The following SORCS2 variants were observed in gnomAD, a reference collection of about 807,000 sequenced individuals.
The protein encoded by SORCS2 is sortilin related VPS10 domain containing receptor 2.
A neutral mutation model predicts 141.6 loss-of-function variants in SORCS2; 100 were observed. The observed-to-expected ratio is 0.71, with a 90% confidence interval of 0.60 to 0.83. The LOEUF is 0.83. Ranked by LOEUF, SORCS2 falls within the 40% of genes least tolerant of loss-of-function variation. SORCS2 has a pLI of 0.00. For missense variants in SORCS2, 1,646 were observed against 1,560.2 expected (o/e 1.05, Z -0.93); for synonymous variants, 789 against 676.9 (o/e 1.17, Z -2.57).
chr4:7,517,352 T>A (rs986687363), intron 2 of SORCS2, among the ~76,000 whole-genome samples: 1 of 152,210 alleles, frequency 6.6e-6, no homozygotes, highest in Non-Finnish European at 1.5e-5. Context: ...TGTGTCTTAT[T>A]TCCTAATGAA....
intron 1 of SORCS2, among the ~76,000 whole-genome samples, chr4:7,263,059 G>A (rs1318648851): frequency 6.6e-6 from 1 of 152,170 alleles, no homozygotes; most frequent in Admixed American, 6.5e-5. Context: ...AAGAACAGGG[G>A]CTTTGGAACC....
At chr4:7,715,963 A>C (rs1207551212) in intron 17 of SORCS2, among the ~76,000 whole-genome samples, 1 of 152,198 alleles carries the variant, frequency 6.6e-6, no homozygotes, top group African/African-American at 2.4e-5. Flanking sequence ...GTGTTCCTTC[A>C]GTCTGTGGTT....
intron 3 of SORCS2, among the ~76,000 whole-genome samples, chr4:7,571,002 G>A (rs1482077459): frequency 6.6e-6 from 1 of 152,184 alleles, no homozygotes; most frequent in African/African-American, 2.4e-5. Flanking sequence ...CACTCTCCAA[G>A]GAAATCCCTG....
At position 7,726,839 on chromosome 4, in the gene SORCS2, T is replaced by A; in HGVS notation, c.2805T>A (p.Arg935=). Residue 935 remains arginine (R), a synonymous_variant, in exon 21 of 27, where the codon CGT becomes CGA. Transcript: ENST00000507866. ...GGTTTTCGGACACGGGCGACGTGCG[T>A]GTGACGGTGCAGGCCGCCTGTGGGA... is the stretch of plus-strand genomic sequence containing the variant. ...TTRFSDTGDV[R]VTVQAACGNS... is the part of the protein sequence containing the mutation. 6.2e-7 allele frequency: 1 copy of A among 1,613,852 alleles called. No individual in the cohort carries two copies. Among genetic ancestry groups the A allele is most frequent in the Non-Finnish European group, 8.5e-7 (1 of 1,179,836 alleles).
At chr4:7,676,436 T>G (rs1723117354) in intron 9 of SORCS2, among the ~76,000 whole-genome samples, 1 of 152,214 alleles carries the variant, frequency 6.6e-6, no homozygotes, top group Non-Finnish European at 1.5e-5. Flanking sequence ...GAGAATTTCC[T>G]TCTTGAGGAA....
chr4:7,260,685 AG>A (rs1399963514), intron 1 of SORCS2, among the ~76,000 whole-genome samples: 1 of 152,184 alleles, frequency 6.6e-6, no homozygotes, highest in Admixed American at 6.5e-5. Flanking sequence ...GGGCAGCTTC[AG>A]GGGAAGGAAA....
At chr4:7,729,493 G>C (rs1250480201) in intron 22 of SORCS2, 94 bp from the exon 23 acceptor site, 8 of 1,473,114 alleles carry the variant, frequency 5.4e-6, no homozygotes, top group Non-Finnish European at 7.3e-6. Context: ...AGGTGTACAG[G>C]CCAAGAAGGG....
At chr4:7,260,583 T>C (rs1714254365) in intron 1 of SORCS2, among the ~76,000 whole-genome samples, 1 of 152,152 alleles carries the variant, frequency 6.6e-6, no homozygotes, top group African/African-American at 2.4e-5. Context: ...CAAATGATCA[T>C]GGGCTGTGTT....
At chr4:7,488,691 G>A (rs1731138845) in intron 2 of SORCS2, among the ~76,000 whole-genome samples, 4 of 152,224 alleles carry the variant, frequency 2.6e-5, no homozygotes, top group Admixed American at 6.5e-5. Context: ...ACCCATGAGT[G>A]TCTCAGCCAA....
At chr4:7,396,815 C>T (rs542110795) in intron 2 of SORCS2, among the ~76,000 whole-genome samples, 5 of 152,258 alleles carry the variant, frequency 3.3e-5, no homozygotes, top group South Asian at 2.1e-4. Context: ...AAGCCACTGG[C>T]GATGGGGGAT....
Position 7,214,541 on chromosome 4 carries a change from C to T in SORCS2, c.480+21415C>T, listed in dbSNP as rs115253255. ...GTCTAAGGCAGAGGCTGGGCAGATT[C>T]ATTCAACCCAGTGCCAAAATTCCAC... On this transcript the variant is annotated intron_variant, in intron 1 of 26. Transcript: ENST00000507866. 2.6e-3 allele frequency among the ~76,000 whole-genome samples: 396 copies of T among 152,342 alleles called. 1 individual carries two copies. Among genetic ancestry groups the T allele is most frequent in the African/African-American group, 9.1e-3 (380 of 41,576 alleles).
At chr4:7,260,074 G>A (rs541062277) in intron 1 of SORCS2, among the ~76,000 whole-genome samples, 18 of 152,184 alleles carry the variant, frequency 1.2e-4, no homozygotes, top group South Asian at 6.2e-4. Flanking sequence ...GCTTGGGTTG[G>A]AGAAAGGCAG....
intron 2 of SORCS2, among the ~76,000 whole-genome samples, chr4:7,492,840 G>A (rs1053703794): frequency 5.9e-5 from 9 of 152,180 alleles, no homozygotes; most frequent in East Asian, 5.8e-4. Context: ...ACCATTTCCC[G>A]TGCACCTGCG....
rs1725399415 is a variant in SORCS2, at chr4:7,412,726, T to C, written c.548+16371T>C. ...TCCCTGCAGGTCTTGCTCCTCCTGC[T>C]GGGTCTCCCCAAGCACCCTTGCTGC... On this transcript the variant is annotated intron_variant, in intron 2 of 26. Coordinates refer to ENST00000507866, the MANE Select transcript of SORCS2 (RefSeq NM_020777.3). 2.0e-5 allele frequency among the ~76,000 whole-genome samples: 3 copies of C among 152,004 alleles called. 1 individual carries two copies. In the South Asian group the frequency reaches 6.2e-4, roughly 32 times the overall value.
intron 3 of SORCS2, among the ~76,000 whole-genome samples, chr4:7,597,962 CTTTTTTT>C (rs902858065): frequency 2.2e-4 from 20 of 91,518 alleles, no homozygotes; most frequent in Non-Finnish European, 3.7e-4. Flanking sequence ...TTCAGCTAAT[CTTTTTTT>C]TTTTTTTTTT....
At chr4:7,660,806 G>A (rs1355049159) in intron 5 of SORCS2, among the ~76,000 whole-genome samples, 1 of 152,206 alleles carries the variant, frequency 6.6e-6, no homozygotes, top group Non-Finnish European at 1.5e-5. Flanking sequence ...ATGGGGTAGG[G>A]GGTGCATTCC....
chr4:7,616,203 C>T (rs566262978), intron 3 of SORCS2, among the ~76,000 whole-genome samples: 1 of 152,122 alleles, frequency 6.6e-6, no homozygotes, highest in African/African-American at 2.4e-5. Flanking sequence ...AAATAATTAC[C>T]TTCATCTGGA....
chr4:7,445,024 G>A (rs370203058), intron 2 of SORCS2, among the ~76,000 whole-genome samples: 21 of 152,234 alleles, frequency 1.4e-4, no homozygotes, highest in African/African-American at 5.1e-4. Context: ...AGCAGAGGGA[G>A]GGCGGGGAGG....
intron 12 of SORCS2, among the ~76,000 whole-genome samples, chr4:7,700,635 T>G (rs372028016): frequency 4.6e-4 from 70 of 152,280 alleles, no homozygotes; most frequent in African/African-American, 1.5e-3. Context: ...GCATTGTGCT[T>G]CTCCAAGCAC....
Sources: gnomAD v4.1 joint callset for allele counts (sites outside exome capture counted in the v4.1 genomes callset) on GRCh38, gnomAD v4.1.1 for gene constraint, MANE v1.5 for transcripts, NCBI Gene and HGNC (gene_info 2026-07-23, HGNC 2026-07-21) for gene names.